Variants in FER1L6 observed in about 807,000 individuals in gnomAD.
FER1L6 encodes the protein fer-1 like family member 6, also known as fer-1-like protein 6.
In FER1L6, 177 loss-of-function variants were observed where a neutral mutation model predicts 219.2. That is an observed-to-expected ratio of 0.81 (90% CI 0.71 to 0.91). FER1L6 has a LOEUF of 0.91. FER1L6 is among the 40% of genes least tolerant of loss of function. FER1L6 has a pLI of 0.00. For synonymous variants in FER1L6, 768 were observed against 824.3 expected, an observed-to-expected ratio of 0.93 and a Z score of 1.17; for missense variants, 2,153 against 2,259.9, an observed-to-expected ratio of 0.95 and a Z score of 0.96.
intron 6 of FER1L6, among the ~76,000 whole-genome samples, chr8:123,972,319 T>C (rs1815857078): frequency 6.6e-6 from 1 of 152,284 alleles, no homozygotes. Context: ...TCCGTTCATC[T>C]GTCATTCGAT....
At chr8:123,923,187 T>A (rs976818232) in intron 1 of FER1L6, among the ~76,000 whole-genome samples, 1 of 152,282 alleles carries the variant, frequency 6.6e-6, no homozygotes, top group African/African-American at 2.4e-5. Flanking sequence ...GGAGAGAAAA[T>A]GTCTGAATCA....
At chr8:123,938,350 A>G (rs1814086168) in intron 1 of FER1L6, among the ~76,000 whole-genome samples, 1 of 152,058 alleles carries the variant, frequency 6.6e-6, no homozygotes, top group Non-Finnish European at 1.5e-5. Flanking sequence ...GCATCACTGG[A>G]TTTACTCCCT....
intron 1 of FER1L6, among the ~76,000 whole-genome samples, chr8:123,900,022 T>C (rs1362207672): frequency 1.3e-5 from 2 of 152,196 alleles, no homozygotes; most frequent in Non-Finnish European, 2.9e-5. Context: ...GTTTTTCTAA[T>C]GCTGTGAAGA....
rs537339982 is a variant in FER1L6 at position 124,019,707 on chromosome 8, A to G, written c.2014-1843A>G. On this transcript the variant is annotated intron_variant, in intron 16 of 40. Transcript: ENST00000522917. ...TCTGTTAGACACTGAGCATACAATA[A>G]GGACAAGACAGAGGAGGTCCTTGTC... Among the ~76,000 whole-genome samples, 5 of 152,378 alleles carry G rather than the reference A, an allele frequency of 3.3e-5. No homozygotes were observed. In the East Asian group the frequency reaches 9.6e-4, roughly 29 times the overall value.
At chr8:123,878,156 C>T (rs1817041678) in intron 1 of FER1L6, among the ~76,000 whole-genome samples, 1 of 152,080 alleles carries the variant, frequency 6.6e-6, no homozygotes, top group African/African-American at 2.4e-5. Flanking sequence ...ATGAGATGTC[C>T]CAGTTCCAAA....
chr8:123,980,482 G>T lies in FER1L6; in HGVS notation c.1081G>T (p.Gly361Trp). The T allele has an allele frequency of 6.2e-7, 1 of 1,612,702 alleles. No individual in the cohort carries two copies. Among genetic ancestry groups the T allele is most frequent in the Non-Finnish European group, 8.5e-7 (1 of 1,179,254 alleles). Residue 361 changes from glycine to tryptophan, a missense_variant, in exon 11 of 41, where the codon GGG becomes TGG. Gly to Trp is a radical substitution (Grantham distance 184). Coordinates refer to ENST00000522917, the MANE Select transcript of FER1L6 (RefSeq NM_001039112.2). ...DGDKGFLPTF[G>W]PAWINLYGSP... The stretch of plus-strand genomic sequence containing the variant: ...CTCTCTAGGCTTTCTGCCCACCTTT[G>T]GGCCTGCCTGGATTAACCTGTATGG...
chr8:124,028,455 A>G (rs928002062), intron 18 of FER1L6, among the ~76,000 whole-genome samples: 7 of 151,796 alleles, frequency 4.6e-5, no homozygotes, highest in Admixed American at 3.3e-4. Context: ...AGAAAAAGCA[A>G]AGGCTGCACC....
At chr8:124,085,292 T>C (rs187331016) in intron 33 of FER1L6, among the ~76,000 whole-genome samples, 1 of 152,196 alleles carries the variant, frequency 6.6e-6, no homozygotes, top group East Asian at 1.9e-4. Context: ...CTTGATTTTC[T>C]AATTCATTAA....
chr8:124,066,388 T>C (rs1363786283), intron 26 of FER1L6, 40 bp from the exon 27 acceptor site: 2 of 1,598,784 alleles, frequency 1.3e-6, no homozygotes, highest in African/African-American at 1.3e-5. Context: ...TGCAGCCAAA[T>C]GAGGTTGAAC....
intron 1 of FER1L6, among the ~76,000 whole-genome samples, chr8:123,885,704 G>A (rs1039158284): frequency 5.9e-5 from 9 of 152,216 alleles, no homozygotes; most frequent in African/African-American, 2.2e-4. Flanking sequence ...TAATCAGTAT[G>A]TGGCTCTGAC....
intron 12 of FER1L6, among the ~76,000 whole-genome samples, chr8:123,998,373 A>ACTCTCTCT (rs746709688): frequency 0.035 from 1,137 of 32,464 alleles, 230 homozygotes; most frequent in Non-Finnish European, 0.044. Flanking sequence ...AAAGAGGGAA[A>ACTCTCTCT]CTCTCTCTCT....
chr8:124,003,155 C>T lies in FER1L6; in HGVS notation c.1520-12C>T, dbSNP rs1318783391. ...CCACCTGACCCCTTTCCCCTTGCTA[C>T]TGCCTCTGCAGGTAATTTTGGAAAC... On this transcript the variant is annotated splice_polypyrimidine_tract_variant and intron_variant, in intron 12 of 40. Transcript: ENST00000522917. The T allele has an allele frequency of 1.2e-6, 2 of 1,611,872 alleles. No homozygotes were observed. Among genetic ancestry groups the T allele is most frequent in the East Asian group, 4.5e-5 (2 of 44,846 alleles).
chr8:123,936,469 T>G lies in FER1L6; in HGVS notation c.-7-19523T>G, dbSNP rs73706332. 3.6e-3 allele frequency among the ~76,000 whole-genome samples: 415 copies of G among 114,106 alleles called. 1 individual carries two copies. The highest frequency in any genetic ancestry group is 0.011 in the African/African-American group (320 of 29,468). 74.9% of individuals were successfully genotyped at this position (114,106 alleles called of 152,430 possible). ...AAAAGATAATTGCAGCCTGTTTTTT[T>G]TTTTTTTTTTTTTTTTTGTAAACAG... On this transcript the variant is annotated intron_variant, in intron 1 of 40. Coordinates refer to ENST00000522917, the MANE Select transcript of FER1L6 (RefSeq NM_001039112.2).
chr8:123,880,576 T>G (rs909795088), intron 1 of FER1L6, among the ~76,000 whole-genome samples: 2 of 152,160 alleles, frequency 1.3e-5, no homozygotes, highest in Non-Finnish European at 2.9e-5. Flanking sequence ...TCAGGGAAGC[T>G]GACCCAGGGT....
At chr8:123,904,312 T>A (rs1197375284) in intron 1 of FER1L6, among the ~76,000 whole-genome samples, 1 of 150,112 alleles carries the variant, frequency 6.7e-6, no homozygotes, top group Middle Eastern at 3.2e-3. Flanking sequence ...CTCTTCTTGC[T>A]TGAGGCTATA....
At chr8:124,003,043 C>G in intron 12 of FER1L6, 124 bp from the exon 13 acceptor site, 1 of 736,166 alleles carries the variant, frequency 1.4e-6, no homozygotes, top group East Asian at 2.5e-5. Flanking sequence ...ATTGCTCTTT[C>G]TACCTTCATA....
At chr8:123,900,235 G>GTATA (rs376838773) in intron 1 of FER1L6, among the ~76,000 whole-genome samples, 1 of 151,550 alleles carries the variant, frequency 6.6e-6, no homozygotes, top group African/African-American at 2.4e-5. Flanking sequence ...ATTTTCCTAA[G>GTATA]TATATATATA....
chr8:124,040,147 A>G, intron 20 of FER1L6, 141 bp downstream of exon 20: 8 of 1,109,482 alleles, frequency 7.2e-6, no homozygotes, highest in South Asian at 1.5e-5. Context: ...TGAAAAGCGA[A>G]TATGTGCCCA....
chr8:123,894,757 C>T (rs1233289066), intron 1 of FER1L6, among the ~76,000 whole-genome samples: 1 of 152,050 alleles, frequency 6.6e-6, no homozygotes, highest in Non-Finnish European at 1.5e-5. Flanking sequence ...GAAGGAGGTA[C>T]TCTGGAAGTG....
Sources: gnomAD v4.1 joint callset for allele counts (sites outside exome capture counted in the v4.1 genomes callset) on GRCh38, gnomAD v4.1.1 for gene constraint, MANE v1.5 for transcripts, NCBI Gene and HGNC (gene_info 2026-07-23, HGNC 2026-07-21) for gene names.